PCDHB1: variants seen among roughly 807,000 people sequenced by gnomAD.
The protein encoded by PCDHB1 is protocadherin beta 1.
A neutral mutation model predicts 43.5 loss-of-function variants in PCDHB1; 44 were observed. The ratio of observed to expected loss-of-function variants is 1.01; its 90% confidence interval spans 0.79 to 1.30. The LOEUF (loss-of-function observed/expected upper bound fraction) is 1.30, where lower values mean the gene tolerates loss of function less well. Among genes scored for constraint, PCDHB1 ranks in the 50% most tolerant of loss-of-function variants. PCDHB1 has a pLI of 0.00. For missense variants in PCDHB1, 919 were observed against 1,008.9 expected, an observed-to-expected ratio of 0.91 and a Z score of 1.21; for synonymous variants, 392 against 400.8, an observed-to-expected ratio of 0.98 and a Z score of 0.26.
At position 141,051,626 on chromosome 5, in the gene PCDHB1, A is replaced by G. The variant is rs781845164; in HGVS notation, c.156A>G (p.Leu52=). 1.2e-6 allele frequency: 2 copies of G among 1,614,226 alleles called. No individual in the cohort carries two copies. Among genetic ancestry groups the G allele is most frequent in the Admixed American group, 1.7e-5 (1 of 60,028 alleles). Residue 52 remains leucine (L), a synonymous_variant, in exon 1 of 1, where the codon CTA becomes CTG. Coordinates refer to ENST00000306549, the MANE Select transcript of PCDHB1 (RefSeq NM_013340.4). ...GSFVANVAKD[L]GLEVGKLAAR... is the part of the protein sequence containing the mutation. The stretch of plus-strand genomic sequence containing the variant: ...TTGTGGCCAACGTAGCTAAGGACCT[A>G]GGACTGGAGGTAGGGAAGCTGGCTG...
Position 141,052,280 on chromosome 5 carries a change from C to G in PCDHB1, c.810C>G (p.Asp270Glu), listed in dbSNP as rs782184340. 1 of 1,614,180 alleles carries G rather than the reference C, an allele frequency of 6.2e-7. No individual in the cohort carries two copies. The highest frequency in any genetic ancestry group is 1.1e-5 in the South Asian group (1 of 91,088). Residue 270 changes from aspartate to glutamate, a missense_variant, in exon 1 of 1, where the codon GAC becomes GAG. By Grantham distance (45) the Asp-to-Glu change is conservative. Coordinates refer to ENST00000306549, the MANE Select transcript of PCDHB1 (RefSeq NM_013340.4). Reference protein sequence around the residue: ...LVATVTAVDLDEGTNKAITYS... With the variant: ...LVATVTAVDLEEGTNKAITYS... ...CCACGGTGACTGCCGTGGACCTAGACGAGGGCACCAACAAAGCGATAACTT... is the reference window on the plus strand; with the variant it reads ...CCACGGTGACTGCCGTGGACCTAGAGGAGGGCACCAACAAAGCGATAACTT...
In PCDHB1 at chr5:141,052,225, C is replaced by CAG; in HGVS notation, c.759_760dup (p.Asn254ArgfsTer12). On this transcript the variant is annotated frameshift_variant, in exon 1 of 1. Transcript: ENST00000306549. LOFTEE classifies it high-confidence loss of function. ...CGACTGGTGTACAGAGCCCAGGTAT[C>CAG]AGAGAACAGCCCCAATGGCTCTTTG... is the stretch of plus-strand genomic sequence containing the variant. The CAG allele has an allele frequency of 6.2e-7, 1 of 1,614,180 alleles. No individual in the cohort carries two copies. The highest frequency in any genetic ancestry group is 1.3e-5 in the African/African-American group (1 of 75,068).
rs782141629 is a variant in PCDHB1, at chr5:141,052,740, G to C, written c.1270G>C (p.Ala424Pro). ...CTCAGGCTATAATATCACCATTGTT[G>C]CCATGGATACTGGACCACCTAGCTT... ...EVSGYNITIV[A>P]MDTGPPSLSA... The change falls in exon 1 of 1, where the codon GCC becomes CCC. Residue 424 changes from alanine to proline, a missense_variant. Ala to Pro is a conservative substitution (Grantham distance 27). Transcript: ENST00000306549. 86 of 1,614,056 alleles carry C rather than the reference G, an allele frequency of 5.3e-5. No homozygotes were observed. The highest frequency in any genetic ancestry group is 3.3e-4 in the Admixed American group (20 of 60,002).
Position 141,052,017 on chromosome 5 carries a change from C to A in PCDHB1, c.547C>A (p.Arg183Ser). Residue 183 changes from arginine (R) to serine (S), a missense_variant, in exon 1 of 1, where the codon CGC becomes AGC. Physicochemically the swap from Arg to Ser is moderately radical, Grantham distance 110. Transcript: ENST00000306549. ...CAATGGGTATTTCCACCTGCACACCCGCTTCTGCAGCCACGGGCCTAAATA... is the reference window on the plus strand; with the variant it reads ...CAATGGGTATTTCCACCTGCACACCAGCTTCTGCAGCCACGGGCCTAAATA... ...SANGYFHLHT[R>S]FCSHGPKYAE... 6 of 1,614,156 alleles carry A rather than the reference C, an allele frequency of 3.7e-6. No homozygotes were observed. Among genetic ancestry groups the A allele is most frequent in the South Asian group, 1.1e-5 (1 of 91,084 alleles).
rs1016676784 is a variant in PCDHB1, at chr5:141,057,168, T to A, written c.*3241T>A. The A allele has an allele frequency of 5.3e-5, 8 of 152,206 alleles. No individual in the cohort carries two copies. Among genetic ancestry groups the A allele is most frequent in the African/African-American group, 1.9e-4 (8 of 41,462 alleles). The allele number at this position is 152,206 out of a possible 1,614,324, so 9.4% of individuals were successfully genotyped here. On this transcript the variant is annotated 3_prime_UTR_variant, in exon 1 of 1. Transcript: ENST00000306549. ...AGAAGATGTAGATTTGTCAACTTTTTATTTTTTCACATTAAATGAGATAAA... is the reference window on the plus strand; with the variant it reads ...AGAAGATGTAGATTTGTCAACTTTTAATTTTTTCACATTAAATGAGATAAA...
At position 141,053,846 on chromosome 5, in the gene PCDHB1, C is replaced by A. The variant is rs1554267549; in HGVS notation, c.2376C>A (p.Gly792=). 1.1e-5 allele frequency: 18 copies of A among 1,614,152 alleles called. No homozygotes were observed. Among genetic ancestry groups the A allele is most frequent in the Non-Finnish European group, 1.4e-5 (17 of 1,180,016 alleles). Residue 792 remains glycine, a synonymous_variant, in exon 1 of 1, where the codon GGC becomes GGA. Transcript: ENST00000306549. ...HATGEIKMEA[G]SSLPPNSDRN... is the part of the protein sequence containing the mutation. ...CTGGGGAGATAAAAATGGAGGCTGGCTCCAGTTTGCCCCCAAATTCTGATA... is the reference window on the plus strand; with the variant it reads ...CTGGGGAGATAAAAATGGAGGCTGGATCCAGTTTGCCCCCAAATTCTGATA...
At position 141,052,392 on chromosome 5, in the gene PCDHB1, G is replaced by A. The variant is rs782642827; in HGVS notation, c.922G>A (p.Asp308Asn). The A allele has an allele frequency of 2.5e-6, 4 of 1,614,056 alleles. No homozygotes were observed. The African/African-American group carries it at 4.0e-5, about 16-fold the overall frequency. ...NGEVRLRGPLDFEAIETYDID... is the reference protein window; with the variant it reads ...NGEVRLRGPLNFEAIETYDID... ...AGAAGTTCGACTAAGAGGACCCCTC[G>A]ATTTTGAAGCCATTGAAACATACGA... is the stretch of plus-strand genomic sequence containing the variant. Residue 308 changes from aspartate to asparagine, a missense_variant, in exon 1 of 1, where the codon GAT (aspartate) becomes AAT (asparagine). Asp to Asn is a conservative substitution (Grantham distance 23). Transcript: ENST00000306549.
Position 141,053,189 on chromosome 5 carries a change from C to A in PCDHB1, c.1719C>A (p.Cys573Ter). ...LYPLQNGTLP[C>*]NDLVPRSAEA... ...CACTGCAGAACGGCACCTTGCCCTG[C>A]AATGACCTGGTGCCCAGGTCTGCAG... The change falls in exon 1 of 1, where the codon TGC becomes TGA. Residue 573 changes from cysteine to a stop codon, truncating the protein, a stop_gained. Transcript: ENST00000306549. LOFTEE classifies it high-confidence loss of function. 2.5e-6 allele frequency: 4 copies of A among 1,614,210 alleles called. No individual in the cohort carries two copies. The highest frequency in any genetic ancestry group is 3.4e-6 in the Non-Finnish European group (4 of 1,180,042).
chr5:141,052,838 C>T lies in PCDHB1; in HGVS notation c.1368C>T (p.Ser456=). 1 of 1,614,132 alleles carries T rather than the reference C, an allele frequency of 6.2e-7. No homozygotes were observed. The highest frequency in any genetic ancestry group is 1.1e-5 in the South Asian group (1 of 91,086). The change falls in exon 1 of 1, where the codon TCC becomes TCT. Residue 456 remains serine (S), a synonymous_variant. Transcript: ENST00000306549. ...ATCCTCCAATATTTCGGGAAGATTC[C>T]TATATCTTGACTGTTCGAGAAAACA... is the stretch of plus-strand genomic sequence containing the variant. ...NDNPPIFRED[S]YILTVRENNS... is the part of the protein sequence containing the mutation.
Position 141,051,637 on chromosome 5 carries a change from T to G in PCDHB1, c.167T>G (p.Val56Gly). 1 of 1,614,036 alleles carries G rather than the reference T, an allele frequency of 6.2e-7. No homozygotes were observed. The highest frequency in any genetic ancestry group is 8.5e-7 in the Non-Finnish European group (1 of 1,179,996). ...ANVAKDLGLE[V>G]GKLAARGARL... is the part of the protein sequence containing the mutation. ...GTAGCTAAGGACCTAGGACTGGAGGTAGGGAAGCTGGCTGCGCGCGGGGCG... is the reference window on the plus strand; with the variant it reads ...GTAGCTAAGGACCTAGGACTGGAGGGAGGGAAGCTGGCTGCGCGCGGGGCG... Residue 56 changes from valine (V) to glycine (G), a missense_variant, in exon 1 of 1, where the codon GTA becomes GGA. Val to Gly is a moderately radical substitution (Grantham distance 109). Transcript: ENST00000306549.
Position 141,054,148 on chromosome 5 carries a change from C to G in PCDHB1, c.*221C>G. On this transcript the variant is annotated 3_prime_UTR_variant, in exon 1 of 1. Coordinates refer to ENST00000306549, the MANE Select transcript of PCDHB1 (RefSeq NM_013340.4). ...AGATCATATATCTATAACCCTTTCT[C>G]CAGTTGGAATTCTGTTTAAAGAAAT... is the stretch of plus-strand genomic sequence containing the variant. The G allele has an allele frequency of 2.2e-6, 1 of 460,152 alleles. No homozygotes were observed. The highest frequency in any genetic ancestry group is 5.0e-5 in the South Asian group (1 of 20,142). 28.5% of individuals were successfully genotyped at this position (460,152 alleles called of 1,614,324 possible).
Position 141,052,048 on chromosome 5 carries a change from A to C in PCDHB1, c.578A>C (p.Glu193Ala). Residue 193 changes from glutamate to alanine, a missense_variant, in exon 1 of 1, where the codon GAG (glutamate) becomes GCG (alanine). Coordinates refer to ENST00000306549, the MANE Select transcript of PCDHB1 (RefSeq NM_013340.4). The stretch of plus-strand genomic sequence containing the variant: ...TGCAGCCACGGGCCTAAATATGCTG[A>C]GCTGGTGCTGAACAAACCCCTGGAC... ...RFCSHGPKYA[E>A]LVLNKPLDRE... 6.2e-7 allele frequency: 1 copy of C among 1,614,144 alleles called. No homozygotes were observed. Among genetic ancestry groups the C allele is most frequent in the Non-Finnish European group, 8.5e-7 (1 of 1,180,042 alleles).
chr5:141,051,548 G>T lies in PCDHB1; in HGVS notation c.78G>T (p.Gly26=), dbSNP rs782185627. The T allele has an allele frequency of 1.2e-6, 2 of 1,614,236 alleles. No homozygotes were observed. Among genetic ancestry groups the T allele is most frequent in the Admixed American group, 3.3e-5 (2 of 60,028 alleles). The stretch of plus-strand genomic sequence containing the variant: ...TCATTTTTCTGTGCATATCTGTGGG[G>T]GATGCGACAACTATCCGCTATTCAG... ...SLLIFLCISV[G]DATTIRYSVA... The change falls in exon 1 of 1, where the codon GGG becomes GGT. Residue 26 remains glycine (G), a synonymous_variant. Coordinates refer to ENST00000306549, the MANE Select transcript of PCDHB1 (RefSeq NM_013340.4).
In PCDHB1 at chr5:141,052,076, A is replaced by G. The variant is rs1469199221; in HGVS notation, c.606A>G (p.Arg202=). Reference sequence around the variant, plus strand: ...TGGTGCTGAACAAACCCCTGGACCGAGAGGAGCAGCCTGAAGTCAACTTGA... The same window carrying G: ...TGGTGCTGAACAAACCCCTGGACCGGGAGGAGCAGCCTGAAGTCAACTTGA... The part of the protein sequence containing the change: ...AELVLNKPLD[R]EEQPEVNLTI... The change falls in exon 1 of 1, where the codon CGA becomes CGG. Residue 202 remains arginine (R), a synonymous_variant. Coordinates refer to ENST00000306549, the MANE Select transcript of PCDHB1 (RefSeq NM_013340.4). 1 of 1,614,110 alleles carries G rather than the reference A, an allele frequency of 6.2e-7. No individual in the cohort carries two copies. The highest frequency in any genetic ancestry group is 8.5e-7 in the Non-Finnish European group (1 of 1,180,026).
At position 141,055,460 on chromosome 5, in the gene PCDHB1, A is replaced by G. The variant is rs1269162376; in HGVS notation, c.*1533A>G. ...AATAAATACATAAATACATAAATAC[A>G]TAAGGCCTGCTGTAGTTAATAAGTG... On this transcript the variant is annotated 3_prime_UTR_variant, in exon 1 of 1. Transcript: ENST00000306549. 1 of 152,124 alleles carries G rather than the reference A, an allele frequency of 6.6e-6. No homozygotes were observed. The highest frequency in any genetic ancestry group is 1.5e-5 in the Non-Finnish European group (1 of 68,028). The allele number at this position is 152,124 out of a possible 1,614,324, so 9.4% of individuals were successfully genotyped here.
rs937252221 is a variant in PCDHB1 at position 141,055,973 on chromosome 5, G to A, written c.*2046G>A. 3 of 152,154 alleles carry A rather than the reference G, an allele frequency of 2.0e-5. No homozygotes were observed. Among genetic ancestry groups the A allele is most frequent in the African/African-American group, 7.2e-5 (3 of 41,406 alleles). 9.4% of individuals were successfully genotyped at this position (152,154 alleles called of 1,614,324 possible). ...CCAGCTACTCAGGAGTCTGAAGGAG[G>A]AGGATTGCTCAAGCCCAGGAGTTCA... On this transcript the variant is annotated 3_prime_UTR_variant, in exon 1 of 1. Coordinates refer to ENST00000306549, the MANE Select transcript of PCDHB1 (RefSeq NM_013340.4).
rs782470731 is a variant in PCDHB1, at chr5:141,052,512, A to T, written c.1042A>T (p.Met348Leu). ...TGTGAATGACAATCCTCCCGAAGTG[A>T]TGGTCTCCTCTGTGTCCAGCCCACT... The part of the protein sequence containing the change: ...VDVNDNPPEV[M>L]VSSVSSPLPE... The change falls in exon 1 of 1, where the codon ATG becomes TTG. Residue 348 changes from methionine to leucine, a missense_variant. By Grantham distance (15) the Met-to-Leu change is conservative. Coordinates refer to ENST00000306549, the MANE Select transcript of PCDHB1 (RefSeq NM_013340.4). 1 of 1,614,042 alleles carries T rather than the reference A, an allele frequency of 6.2e-7. No individual in the cohort carries two copies. The highest frequency in any genetic ancestry group is 8.5e-7 in the Non-Finnish European group (1 of 1,180,030).
At position 141,053,913 on chromosome 5, in the gene PCDHB1, G is replaced by A. The variant is rs375316519; in HGVS notation, c.2443G>A (p.Asp815Asn). Residue 815 changes from aspartate (D) to asparagine (N), a missense_variant, in exon 1 of 1, where the codon GAT becomes AAT. Transcript: ENST00000306549. ...QRLEGHDQVS[D>N]DYM Reference sequence around the variant, plus strand: ...ATTAGAGGGCCATGACCAGGTATCTGATGACTATATGTAGCTCCTATTTAC... The same window carrying A: ...ATTAGAGGGCCATGACCAGGTATCTAATGACTATATGTAGCTCCTATTTAC... The A allele has an allele frequency of 2.7e-5, 44 of 1,613,462 alleles. No individual in the cohort carries two copies. The highest frequency in any genetic ancestry group is 3.4e-5 in the Non-Finnish European group (40 of 1,179,684).
Position 141,052,719 on chromosome 5 carries a change from G to A in PCDHB1, c.1249G>A (p.Gly417Ser). 6.2e-7 allele frequency: 1 copy of A among 1,614,150 alleles called. No homozygotes were observed. The highest frequency in any genetic ancestry group is 8.5e-7 in the Non-Finnish European group (1 of 1,180,036). The change falls in exon 1 of 1, where the codon GGC becomes AGC. Residue 417 changes from glycine (G) to serine (S), a missense_variant. Physicochemically the swap from Gly to Ser is moderately conservative, Grantham distance 56. Transcript: ENST00000306549. The stretch of plus-strand genomic sequence containing the variant: ...AAGCTTGGATCGGGAGGAGGTCTCA[G>A]GCTATAATATCACCATTGTTGCCAT... ...DRSLDREEVS[G>S]YNITIVAMDT... is the part of the protein sequence containing the mutation.
Sources: allele counts gnomAD v4.1 joint callset, GRCh38; gene constraint gnomAD v4.1.1; transcripts MANE v1.5; gene names NCBI Gene and HGNC (gene_info 2026-07-23, HGNC 2026-07-21).